ADCY3: variants seen among roughly 807,000 people sequenced by gnomAD.
The protein encoded by ADCY3 is adenylate cyclase type 3.
A neutral mutation model predicts 119.4 loss-of-function variants in ADCY3; 70 were observed. That is an observed-to-expected ratio of 0.59 (90% CI 0.48 to 0.72). The LOEUF is 0.72. Among genes scored for constraint, ADCY3 ranks in the 30% least tolerant of loss-of-function variants. The pLI is 0.00. For synonymous variants in ADCY3, 672 were observed against 621.4 expected (o/e 1.08, Z -1.21); for missense variants, 1,238 against 1,541.6 (o/e 0.80, Z 3.30).
intron 2 of ADCY3, among the ~76,000 whole-genome samples, chr2:24,892,795 G>A (rs72848433): frequency 0.086 from 13,018 of 152,018 alleles, 1,767 homozygotes; most frequent in African/African-American, 0.29. Context: ...AGTATATATT[G>A]TCTGGTACTT....
At chr2:24,825,830 AG>A in intron 16 of ADCY3, 2 of 576,026 alleles carry the variant, frequency 3.5e-6, no homozygotes, top group Non-Finnish European at 3.1e-6. Flanking sequence ...ACCATCCTGG[AG>A]GGGGTCGGAC....
intron 3 of ADCY3, among the ~76,000 whole-genome samples, chr2:24,860,691 G>A (rs183440032): frequency 6.6e-6 from 1 of 152,344 alleles, no homozygotes; most frequent in East Asian, 1.9e-4. Context: ...TGTGCTTGAG[G>A]GACTGTGCCG....
chr2:24,820,715 T>A lies in ADCY3; in HGVS notation c.3252+9A>T. 6.2e-7 allele frequency: 1 copy of A among 1,613,968 alleles called. No individual in the cohort carries two copies. Among genetic ancestry groups the A allele is most frequent in the Non-Finnish European group, 8.5e-7 (1 of 1,179,922 alleles). On this transcript the variant is annotated intron_variant, in intron 21 of 21. Transcript: ENST00000679454. ...TCTGAGCACGTGCCAGCTGTGCCAC[T>A]GGACATACCTGAATGTTGCCCATGA...
chr2:24,866,221 C>G (rs1354050402), intron 3 of ADCY3, among the ~76,000 whole-genome samples: 1 of 152,124 alleles, frequency 6.6e-6, no homozygotes, highest in Admixed American at 6.5e-5. Context: ...TGCCCCTGCT[C>G]TAACCATCTG....
In ADCY3 at chr2:24,842,639, C is replaced by T. The variant is rs545266655; in HGVS notation, c.826-255G>A. 2.3e-5 allele frequency: 11 copies of T among 479,298 alleles called. No individual in the cohort carries two copies. The East Asian group carries it at 4.4e-4, about 19-fold the overall frequency. 29.7% of individuals were successfully genotyped at this position (479,298 alleles called of 1,614,324 possible). A position where few individuals can be genotyped will look rare whatever the true frequency, so the allele number is the denominator to read the frequency against. ...GGGAGCCAGAAACGCAGTGAAGCAT[C>T]CCAACGTGGCTCTGTGCTCAGCATC... On this transcript the variant is annotated intron_variant, in intron 3 of 21. Coordinates refer to ENST00000679454, the MANE Select transcript of ADCY3 (RefSeq NM_004036.5). The surrounding 1 kb of genome is among the most constrained non-coding windows in gnomAD (Gnocchi z 4.9).
intron 2 of ADCY3, among the ~76,000 whole-genome samples, chr2:24,901,306 A>G (rs1029456565): frequency 1.3e-5 from 2 of 152,238 alleles, no homozygotes; most frequent in African/African-American, 2.4e-5. Flanking sequence ...TTTTCCAAGA[A>G]TCACTTATGT....
intron 3 of ADCY3, among the ~76,000 whole-genome samples, chr2:24,856,193 G>A (rs914082733): frequency 2.6e-5 from 4 of 152,342 alleles, no homozygotes; most frequent in Non-Finnish European, 4.4e-5. Context: ...GTGTGTGTGT[G>A]TGTCCATGCG....
At chr2:24,913,701 TACGGC>T (rs1664085242) in intron 2 of ADCY3, among the ~76,000 whole-genome samples, 1 of 152,196 alleles carries the variant, frequency 6.6e-6, no homozygotes, top group African/African-American at 2.4e-5. Flanking sequence ...TCACCCTCCC[TACGGC>T]AGCTCCCTCC....
intron 2 of ADCY3, among the ~76,000 whole-genome samples, chr2:24,873,306 T>C (rs1291308801): frequency 6.6e-6 from 1 of 152,192 alleles, no homozygotes; most frequent in Non-Finnish European, 1.5e-5. Context: ...TCTAGTTTTC[T>C]GGGATTCACA....
intron 2 of ADCY3, among the ~76,000 whole-genome samples, chr2:24,881,221 T>C (rs965601980): frequency 6.6e-6 from 1 of 151,052 alleles, no homozygotes; most frequent in African/African-American, 2.5e-5. Flanking sequence ...ACAGCAGAAC[T>C]GATCCCAAGC....
Position 24,872,111 on chromosome 2 carries a change from T to C in ADCY3, c.825+459A>G, listed in dbSNP as rs1010254865. 6.6e-6 allele frequency among the ~76,000 whole-genome samples: 1 copy of C among 152,172 alleles called. No homozygotes were observed. Among genetic ancestry groups the C allele is most frequent in the Non-Finnish European group, 1.5e-5 (1 of 68,020 alleles). Reference sequence around the variant, plus strand: ...ATGGGTCAAGGCCCCACCCACGGCATGAGCAGGTGCACAGGGTGGATCTGC... The same window carrying C: ...ATGGGTCAAGGCCCCACCCACGGCACGAGCAGGTGCACAGGGTGGATCTGC... On this transcript the variant is annotated intron_variant, in intron 3 of 21. Transcript: ENST00000679454. This position sits in a 1 kb window ranked among gnomAD's most constrained non-coding sequence, Gnocchi z 4.4.
At chr2:24,833,852 C>G (rs1669933649) in intron 11 of ADCY3, among the ~76,000 whole-genome samples, 1 of 152,268 alleles carries the variant, frequency 6.6e-6, no homozygotes, top group East Asian at 1.9e-4. Context: ...CACCCGCAAC[C>G]TTAGATAGTG....
In ADCY3 at chr2:24,918,395, CAGG is replaced by C. The variant is rs1558535312; in HGVS notation, c.590_592del (p.Ser197del). ...CCCCAGGACCAACGTGTGCACCACACAGGAGACCACGGAGATGATCACGATGGG... is the reference window on the plus strand; with the variant it reads ...CCCCAGGACCAACGTGTGCACCACACAGACCACGGAGATGATCACGATGGG... On this transcript the variant is annotated inframe_deletion, in exon 2 of 22. Coordinates refer to ENST00000679454, the MANE Select transcript of ADCY3 (RefSeq NM_004036.5). This position sits in a 1 kb window ranked among gnomAD's most constrained non-coding sequence, Gnocchi z 5.4. 6.2e-7 allele frequency: 1 copy of C among 1,613,720 alleles called. No individual in the cohort carries two copies. Among genetic ancestry groups the C allele is most frequent in the African/African-American group, 1.3e-5 (1 of 75,028 alleles).
At chr2:24,853,884 T>C (rs990413522) in intron 3 of ADCY3, among the ~76,000 whole-genome samples, 1 of 152,270 alleles carries the variant, frequency 6.6e-6, no homozygotes, top group Non-Finnish European at 1.5e-5. Flanking sequence ...GATTCATATA[T>C]ACTGAATCTG....
intron 3 of ADCY3, among the ~76,000 whole-genome samples, chr2:24,869,027 A>G (rs1196429517): frequency 6.6e-6 from 1 of 152,232 alleles, no homozygotes; most frequent in East Asian, 1.9e-4. Context: ...CCGTCTCAAA[A>G]TAAATAAATA....
intron 2 of ADCY3, among the ~76,000 whole-genome samples, chr2:24,906,369 A>T (rs1431382147): frequency 1.3e-5 from 2 of 152,326 alleles, no homozygotes; most frequent in Admixed American, 6.5e-5. Flanking sequence ...GAATATCCCA[A>T]ATTTGTCCCT....
intron 12 of ADCY3, among the ~76,000 whole-genome samples, chr2:24,831,228 A>T: frequency 1.0e-5 from 1 of 95,344 alleles, no homozygotes; most frequent in East Asian, 5.4e-4. Context: ...TGTCATTCTG[A>T]TTAAAAAAAA....
chr2:24,905,116 A>G (rs1679320933), intron 2 of ADCY3, among the ~76,000 whole-genome samples: 1 of 150,922 alleles, frequency 6.6e-6, no homozygotes, highest in African/African-American at 2.4e-5. Flanking sequence ...AATGGTGAAT[A>G]ATTGAAAGTG....
At chr2:24,911,636 TCAA>T (rs1292409865) in intron 2 of ADCY3, among the ~76,000 whole-genome samples, 2 of 13,206 alleles carry the variant, frequency 1.5e-4, no homozygotes, top group African/African-American at 7.0e-4. Context: ...GGAGACAGAC[TCAA>T]AAAAAAAAAA....
Sources: gnomAD v4.1 joint callset for allele counts (sites outside exome capture counted in the v4.1 genomes callset) on GRCh38, gnomAD v4.1.1 for gene constraint, Gnocchi (gnomAD v3.1) non-coding constraint, MANE v1.5 for transcripts, NCBI Gene and HGNC (gene_info 2026-07-23, HGNC 2026-07-21) for gene names.